The following PCSK2 variants were observed in gnomAD, a reference collection of about 807,000 sequenced individuals.
PCSK2 encodes proprotein convertase subtilisin/kexin type 2.
PCSK2 carries 14 observed loss-of-function variants against 69.7 expected under a neutral mutation model. The ratio of observed to expected loss-of-function variants is 0.20; its 90% CI spans 0.13 to 0.31. The LOEUF (loss-of-function observed/expected upper bound fraction) is 0.31. Among genes scored for constraint, PCSK2 ranks in the 10% least tolerant of loss-of-function variants. The pLI is 1.00. For synonymous variants in PCSK2, 307 were observed against 320.7 expected (o/e 0.96, Z 0.46); for missense variants, 544 against 842.5 (o/e 0.65, Z 4.39).
chr20:17,389,048 T>A (rs1398200847), intron 5 of PCSK2, among the ~76,000 whole-genome samples: 1 of 152,146 alleles, frequency 6.6e-6, no homozygotes, highest in African/African-American at 2.4e-5. Flanking sequence ...TTTCTAAATA[T>A]GAAATCAAAC....
intron 2 of PCSK2, among the ~76,000 whole-genome samples, chr20:17,326,347 C>T (rs1990052784): frequency 6.6e-6 from 1 of 152,098 alleles, no homozygotes; most frequent in South Asian, 2.1e-4. Context: ...CAAGAAAAGT[C>T]TGAAAATTGT....
intron 2 of PCSK2, among the ~76,000 whole-genome samples, chr20:17,287,427 G>GTGTC (rs1007950501): frequency 3.3e-4 from 41 of 123,688 alleles, no homozygotes; most frequent in African/African-American, 1.1e-3. Flanking sequence ...CAGCATGTGC[G>GTGTC]TGTCTGTGTG....
intron 2 of PCSK2, among the ~76,000 whole-genome samples, chr20:17,286,664 A>T (rs2123057088): frequency 6.6e-6 from 1 of 152,328 alleles, no homozygotes; most frequent in African/African-American, 2.4e-5. Context: ...GTAGACGTTT[A>T]TATATAAATC....
intron 1 of PCSK2, among the ~76,000 whole-genome samples, chr20:17,250,765 T>C (rs1225256231): frequency 6.6e-6 from 1 of 152,160 alleles, no homozygotes; most frequent in African/African-American, 2.4e-5. Flanking sequence ...TGATACCCAC[T>C]GGCACTTAAC....
In PCSK2 at chr20:17,276,195, A is replaced by T. The variant is rs1312663286; in HGVS notation, c.282+15851A>T. On this transcript the variant is annotated intron_variant, in intron 2 of 11. Transcript: ENST00000262545. Reference sequence around the variant, plus strand: ...AGTTATGCATGGTGGTTTTATTTTCATCTTACCAAAATGATAGTTTACAGT... The same window carrying T: ...AGTTATGCATGGTGGTTTTATTTTCTTCTTACCAAAATGATAGTTTACAGT... 1.3e-5 allele frequency among the ~76,000 whole-genome samples: 2 copies of T among 152,144 alleles called. 1 individual carries two copies. Among genetic ancestry groups the T allele is most frequent in the East Asian group, 3.8e-4 (2 of 5,200 alleles).
chr20:17,263,524 T>C (rs887365809), intron 2 of PCSK2, among the ~76,000 whole-genome samples: 1 of 152,260 alleles, frequency 6.6e-6, no homozygotes. Context: ...AATGAATGAT[T>C]ACTATTTTTT....
intron 1 of PCSK2, chr20:17,228,426 A>C (rs986742523): frequency 1.3e-5 from 2 of 153,048 alleles, no homozygotes; most frequent in African/African-American, 4.8e-5. Flanking sequence ...CTCCTGCAAA[A>C]GATGTATCAG....
At chr20:17,360,452 A>G in intron 3 of PCSK2, 80 bp from the exon 4 acceptor site, 1 of 786,008 alleles carries the variant, frequency 1.3e-6, no homozygotes, top group Non-Finnish European at 2.1e-6. Context: ...ATGGCTATAG[A>G]GTATGTCAAG....
chr20:17,395,717 C>T (rs1018468144), intron 5 of PCSK2, among the ~76,000 whole-genome samples: 1 of 152,172 alleles, frequency 6.6e-6, no homozygotes, highest in African/African-American at 2.4e-5. Flanking sequence ...CAACAGACCC[C>T]TGATACAGTA....
chr20:17,448,857 T>C (rs2032749155), intron 8 of PCSK2, among the ~76,000 whole-genome samples: 1 of 151,510 alleles, frequency 6.6e-6, no homozygotes, highest in African/African-American at 2.4e-5. Context: ...AAAGTGGAGT[T>C]GCACCACTCA....
chr20:17,332,664 T>C lies in PCSK2; in HGVS notation c.283-25663T>C, dbSNP rs567055251. On this transcript the variant is annotated intron_variant, in intron 2 of 11. Coordinates refer to ENST00000262545, the MANE Select transcript of PCSK2 (RefSeq NM_002594.5). ...CTCTGAGAGTGGGGCCCAGCAATTTTTGTTTTAATAAGCTTTCCTGAGGAT... is the reference window on the plus strand; with the variant it reads ...CTCTGAGAGTGGGGCCCAGCAATTTCTGTTTTAATAAGCTTTCCTGAGGAT... Among the ~76,000 whole-genome samples, 4 of 152,306 alleles carry C rather than the reference T, an allele frequency of 2.6e-5. No individual in the cohort carries two copies. In the South Asian group the frequency reaches 8.3e-4, roughly 32 times the overall value.
intron 1 of PCSK2, among the ~76,000 whole-genome samples, chr20:17,234,738 C>A (rs138861863): frequency 2.6e-5 from 4 of 152,050 alleles, no homozygotes; most frequent in Admixed American, 2.0e-4. Context: ...TAGATCATAA[C>A]GTCATAGCAC....
At chr20:17,446,143 A>G (rs897743346) in intron 8 of PCSK2, among the ~76,000 whole-genome samples, 1 of 152,212 alleles carries the variant, frequency 6.6e-6, no homozygotes, top group Non-Finnish European at 1.5e-5. Flanking sequence ...CATCAGAAAG[A>G]TTCATCACTA....
chr20:17,282,686 C>A (rs1217034734), intron 2 of PCSK2, among the ~76,000 whole-genome samples: 1 of 150,092 alleles, frequency 6.7e-6, no homozygotes, highest in Non-Finnish European at 1.5e-5. Context: ...TGCCTAATAA[C>A]TAACGGACAA....
At chr20:17,416,399 C>T (rs2031999204) in intron 6 of PCSK2, among the ~76,000 whole-genome samples, 1 of 152,178 alleles carries the variant, frequency 6.6e-6, no homozygotes, top group Non-Finnish European at 1.5e-5. Flanking sequence ...GACATTTATG[C>T]AGCCAACAGA....
At chr20:17,325,134 C>T (rs1249756749) in intron 2 of PCSK2, among the ~76,000 whole-genome samples, 2 of 152,146 alleles carry the variant, frequency 1.3e-5, no homozygotes, top group African/African-American at 2.4e-5. Flanking sequence ...ATTCATCTCC[C>T]TTGTAATTGC....
In PCSK2 at chr20:17,465,311, G is replaced by A. The variant is rs1247044869; in HGVS notation, c.1203-15G>A. 1 of 1,607,014 alleles carries A rather than the reference G, an allele frequency of 6.2e-7. No homozygotes were observed. The highest frequency in any genetic ancestry group is 8.5e-7 in the Non-Finnish European group (1 of 1,174,078). On this transcript the variant is annotated splice_polypyrimidine_tract_variant and intron_variant, in intron 10 of 11. Coordinates refer to ENST00000262545, the MANE Select transcript of PCSK2 (RefSeq NM_002594.5). Reference sequence around the variant, plus strand: ...TTTTGCCCTTGCCCTCTTGCTCTCTGCTTCCTGTATCCAGCCTGGGTCTGA... The same window carrying A: ...TTTTGCCCTTGCCCTCTTGCTCTCTACTTCCTGTATCCAGCCTGGGTCTGA...
At chr20:17,457,531 C>A (rs2032943300) in intron 10 of PCSK2, among the ~76,000 whole-genome samples, 1 of 152,200 alleles carries the variant, frequency 6.6e-6, no homozygotes, top group African/African-American at 2.4e-5. Context: ...CAAGTCTAAA[C>A]TTTGACTCTT....
chr20:17,250,720 AAAAC>A (rs1394106141), intron 1 of PCSK2, among the ~76,000 whole-genome samples: 7 of 152,170 alleles, frequency 4.6e-5, no homozygotes, highest in African/African-American at 1.7e-4. Flanking sequence ...AAAAAACACT[AAAAC>A]AAGCCAGAAT....
Sources: gnomAD v4.1 joint callset for allele counts (sites outside exome capture counted in the v4.1 genomes callset) on GRCh38, gnomAD v4.1.1 for gene constraint, MANE v1.5 for transcripts, NCBI Gene and HGNC (gene_info 2026-07-23, HGNC 2026-07-21) for gene names.